Variants in MALRD1 observed in about 807,000 individuals in gnomAD.
MALRD1 encodes MAM and LDL receptor class A domain containing 1.
A neutral mutation model predicts 242.1 loss-of-function variants in MALRD1; 247 were observed. The ratio of observed to expected loss-of-function variants is 1.02; its 90% CI spans 0.92 to 1.13. MALRD1 has a LOEUF of 1.13. MALRD1 is among the 50% of genes most tolerant of loss of function. The pLI, the probability that MALRD1 is intolerant of heterozygous loss-of-function variation, is 0.00. For synonymous variants in MALRD1, 995 were observed against 866.6 expected, an observed-to-expected ratio of 1.15 and a Z score of -2.60; for missense variants, 2,989 against 2,533.1, an observed-to-expected ratio of 1.18 and a Z score of -3.86.
intron 18 of MALRD1, among the ~76,000 whole-genome samples, chr10:19,212,091 T>A (rs1167897151): frequency 6.6e-6 from 1 of 152,208 alleles, no homozygotes; most frequent in African/African-American, 2.4e-5. Flanking sequence ...TTCAGTTCAA[T>A]CTTTTGATTT....
intron 26 of MALRD1, among the ~76,000 whole-genome samples, chr10:19,362,997 G>A (rs1577299): frequency 0.78 from 118,301 of 151,774 alleles, 46,577 homozygotes; most frequent in African/African-American, 0.89. Flanking sequence ...GGAAGTGAGG[G>A]AGACTGTGGG....
intron 36 of MALRD1, among the ~76,000 whole-genome samples, chr10:19,661,462 A>G (rs572919512): frequency 4.5e-4 from 69 of 152,344 alleles, no homozygotes; most frequent in African/African-American, 1.6e-3. Flanking sequence ...GCCATAAAAA[A>G]AGATGAGTTC....
intron 2 of MALRD1, among the ~76,000 whole-genome samples, chr10:19,082,153 A>G (rs1835510803): frequency 2.0e-5 from 3 of 151,556 alleles, no homozygotes; most frequent in Admixed American, 2.0e-4. Flanking sequence ...TTATATTAAT[A>G]TCCTTTTCTT....
chr10:19,447,852 C>G (rs1323764735), intron 28 of MALRD1, among the ~76,000 whole-genome samples: 1 of 152,100 alleles, frequency 6.6e-6, no homozygotes, highest in Non-Finnish European at 1.5e-5. Context: ...CTTTAGTCAT[C>G]AAAAAGATAC....
rs569651448 is a variant in MALRD1, at chr10:19,268,214, A to G, written c.3079+10443A>G. Among the ~76,000 whole-genome samples, 65 of 152,138 alleles carry G rather than the reference A, an allele frequency of 4.3e-4. 4 individuals carry two copies. The South Asian group carries it at 6.4e-3, about 15-fold the overall frequency. ...TGAATCTTTGTTATAAAGCAAAAGTATTTCAAAAATTGCTGATTGGCTACC... is the reference window on the plus strand; with the variant it reads ...TGAATCTTTGTTATAAAGCAAAAGTGTTTCAAAAATTGCTGATTGGCTACC... On this transcript the variant is annotated intron_variant, in intron 19 of 39. Coordinates refer to ENST00000454679, the MANE Select transcript of MALRD1 (RefSeq NM_001142308.3).
At chr10:19,707,141 T>C (rs1389970919) in intron 38 of MALRD1, among the ~76,000 whole-genome samples, 1 of 150,536 alleles carries the variant, frequency 6.6e-6, no homozygotes, top group Admixed American at 6.6e-5. Flanking sequence ...TTCTTCCTTC[T>C]CCTCCTCATC....
chr10:19,541,412 A>G (rs1834963474), intron 32 of MALRD1, among the ~76,000 whole-genome samples: 1 of 152,172 alleles, frequency 6.6e-6, no homozygotes, highest in Non-Finnish European at 1.5e-5. Flanking sequence ...ATGTCTTACT[A>G]TTTTCAGCAG....
chr10:19,533,408 C>G (rs2131355565), intron 32 of MALRD1, among the ~76,000 whole-genome samples: 1 of 151,990 alleles, frequency 6.6e-6, no homozygotes, highest in East Asian at 1.9e-4. Context: ...TGATAATCAG[C>G]ATGATATTGA....
chr10:19,339,368 C>A (rs926880685), intron 24 of MALRD1, among the ~76,000 whole-genome samples: 1 of 152,088 alleles, frequency 6.6e-6, no homozygotes, highest in Non-Finnish European at 1.5e-5. Context: ...TTATCAAATA[C>A]GTCAAGTAGT....
intron 31 of MALRD1, among the ~76,000 whole-genome samples, chr10:19,524,561 A>C (rs1012356189): frequency 6.6e-6 from 1 of 152,152 alleles, no homozygotes; most frequent in South Asian, 2.1e-4. Flanking sequence ...TAGTCATTAG[A>C]CACCCTTCTA....
At chr10:19,243,212 C>G (rs541796693) in intron 18 of MALRD1, among the ~76,000 whole-genome samples, 9 of 146,728 alleles carry the variant, frequency 6.1e-5, no homozygotes, top group Admixed American at 4.7e-4. Context: ...TTCTCCCCCG[C>G]CACACACACA....
chr10:19,393,265 A>C (rs1846414089), intron 28 of MALRD1, among the ~76,000 whole-genome samples: 1 of 152,068 alleles, frequency 6.6e-6, no homozygotes, highest in African/African-American at 2.4e-5. Context: ...ATTCAGTATT[A>C]AATTTCTCAT....
chr10:19,328,528 G>T (rs527341541), intron 23 of MALRD1, among the ~76,000 whole-genome samples: 69 of 152,232 alleles, frequency 4.5e-4, no homozygotes, highest in Admixed American at 7.2e-4. Flanking sequence ...TCCATGTGCA[G>T]CTGGGGTAGC....
intron 5 of MALRD1, among the ~76,000 whole-genome samples, chr10:19,116,141 AT>A: frequency 6.6e-6 from 1 of 152,314 alleles, no homozygotes; most frequent in East Asian, 1.9e-4. Context: ...TGAAAAAAAA[AT>A]CAAGCCTTGC....
intron 28 of MALRD1, among the ~76,000 whole-genome samples, chr10:19,400,000 A>G (rs568529417): frequency 6.6e-6 from 1 of 152,268 alleles, no homozygotes; most frequent in East Asian, 1.9e-4. Flanking sequence ...TTAATTTAGG[A>G]TTACAACTTT....
At chr10:19,048,272 A>G (rs958698562), upstream of MALRD1, among the ~76,000 whole-genome samples, 9 of 152,186 alleles carry the variant, frequency 5.9e-5, no homozygotes, top group African/African-American at 1.9e-4. Flanking sequence ...TGATTTATAA[A>G]ATAATAACAT....
intron 24 of MALRD1, 40 bp downstream of exon 24, chr10:19,331,622 C>A (rs1325071147): frequency 2.1e-6 from 3 of 1,460,880 alleles, no homozygotes; most frequent in African/African-American, 1.4e-5. Flanking sequence ...TTGCCTTCAA[C>A]TCCCACAGCC....
At chr10:19,212,304 A>C (rs1193098708) in intron 18 of MALRD1, among the ~76,000 whole-genome samples, 1 of 152,186 alleles carries the variant, frequency 6.6e-6, no homozygotes, top group East Asian at 1.9e-4. Context: ...TAATTTATAC[A>C]GTCAAAAAAT....
At chr10:19,414,815 T>C (rs1231272447) in intron 28 of MALRD1, among the ~76,000 whole-genome samples, 1 of 137,698 alleles carries the variant, frequency 7.3e-6, no homozygotes, top group Non-Finnish European at 1.7e-5. Context: ...TTTCATGGAG[T>C]TTCTTGCAAA....
Sources: gnomAD v4.1 joint callset for allele counts (sites outside exome capture counted in the v4.1 genomes callset) on GRCh38, gnomAD v4.1.1 for gene constraint, MANE v1.5 for transcripts, NCBI Gene and HGNC (gene_info 2026-07-23, HGNC 2026-07-21) for gene names.